GLIS3: variants seen among roughly 807,000 people sequenced by gnomAD.
GLIS3 encodes the protein GLIS family zinc finger 3, also known as zinc finger protein GLIS3.
Under a neutral mutation model 78.6 loss-of-function variants are expected in GLIS3, and 53 were observed. The ratio of observed to expected loss-of-function variants is 0.67; its 90% confidence interval spans 0.54 to 0.85. GLIS3 has a LOEUF of 0.85. GLIS3 is among the 40% of genes least tolerant of loss of function. The probability of loss-of-function intolerance (pLI) is 0.00; values close to 1 mark genes in which losing one functional copy is unlikely to be tolerated. For missense variants in GLIS3, 1,703 were observed against 1,231.1 expected, an observed-to-expected ratio of 1.38 and a Z score of -5.74; for synonymous variants, 684 against 509.9, an observed-to-expected ratio of 1.34 and a Z score of -4.60.
At chr9:4,323,038 T>G (rs1386122279) in intron 2 of GLIS3, among the ~76,000 whole-genome samples, 1 of 152,206 alleles carries the variant, frequency 6.6e-6, no homozygotes, top group East Asian at 1.9e-4. Flanking sequence ...AAAGTCTTTA[T>G]GATTTTAGGT....
At chr9:4,134,864 G>C (rs374883977) in intron 2 of GLIS3, among the ~76,000 whole-genome samples, 1 of 152,168 alleles carries the variant, frequency 6.6e-6, no homozygotes, top group African/African-American at 2.4e-5. Context: ...ACCATGGAAA[G>C]ACAGAGTTCT....
intron 2 of GLIS3, among the ~76,000 whole-genome samples, chr9:4,165,748 G>C (rs1835834787): frequency 1.3e-5 from 2 of 152,232 alleles, no homozygotes; most frequent in Non-Finnish European, 2.9e-5. Context: ...CAGTTGGAAA[G>C]GAGAGCCTAG....
chr9:4,213,845 T>C (rs1030603361), intron 2 of GLIS3, among the ~76,000 whole-genome samples: 7 of 151,852 alleles, frequency 4.6e-5, no homozygotes, highest in African/African-American at 1.7e-4. Context: ...AGTAGTGTTC[T>C]AGATATCAGG....
chr9:4,016,797 T>C (rs990514705), intron 4 of GLIS3, among the ~76,000 whole-genome samples: 1 of 152,192 alleles, frequency 6.6e-6, no homozygotes, highest in Non-Finnish European at 1.5e-5. Flanking sequence ...CTCAGCTCTT[T>C]TAGGACTCCA....
chr9:4,253,107 G>A (rs1021938739), intron 2 of GLIS3, among the ~76,000 whole-genome samples: 1 of 152,248 alleles, frequency 6.6e-6, no homozygotes, highest in Non-Finnish European at 1.5e-5. Context: ...CCCACTGGAG[G>A]AGGCAGTCTG....
intron 6 of GLIS3, among the ~76,000 whole-genome samples, chr9:3,903,736 T>C (rs1378340989): frequency 6.6e-6 from 1 of 152,030 alleles, no homozygotes; most frequent in Non-Finnish European, 1.5e-5. Context: ...AAATAAATTG[T>C]AGAGAAGGTG....
chr9:4,418,283 G>C, the GLIS3 span, among the ~76,000 whole-genome samples: 34 of 152,168 alleles, frequency 2.2e-4, no homozygotes, highest in African/African-American at 8.2e-4. Flanking sequence ...AAAGAGACTG[G>C]GCTTTAACTA....
chr9:4,093,662 C>T (rs946044481), intron 4 of GLIS3, among the ~76,000 whole-genome samples: 1 of 152,156 alleles, frequency 6.6e-6, no homozygotes, highest in East Asian at 1.9e-4. Context: ...CTTGAGGAAG[C>T]TTATCACAGG....
the GLIS3 span, among the ~76,000 whole-genome samples, chr9:4,421,713 G>C: frequency 6.6e-6 from 1 of 152,236 alleles, no homozygotes; most frequent in Admixed American, 6.5e-5. Context: ...TCTGAGAATA[G>C]TGTTAGACAC....
At chr9:3,940,773 G>T (rs1815835159) in intron 4 of GLIS3, among the ~76,000 whole-genome samples, 1 of 152,164 alleles carries the variant, frequency 6.6e-6, no homozygotes, top group Admixed American at 6.5e-5. Flanking sequence ...TGTGCAATGA[G>T]CATTTATTCC....
the GLIS3 span, among the ~76,000 whole-genome samples, chr9:4,385,593 A>C: frequency 6.8e-6 from 1 of 148,076 alleles, no homozygotes; most frequent in Non-Finnish European, 1.5e-5. Context: ...TGAACCTAGG[A>C]GGCAGAGGTT....
At chr9:3,991,173 G>C (rs1023267160) in intron 4 of GLIS3, among the ~76,000 whole-genome samples, 2 of 152,168 alleles carry the variant, frequency 1.3e-5, no homozygotes, top group Non-Finnish European at 2.9e-5. Flanking sequence ...ACATATTGTA[G>C]GAGGAAGCTG....
chr9:3,849,496 CAGG>C (rs1327341221), intron 9 of GLIS3, among the ~76,000 whole-genome samples: 1 of 152,118 alleles, frequency 6.6e-6, no homozygotes, highest in Non-Finnish European at 1.5e-5. Flanking sequence ...ATGCTGTGAC[CAGG>C]AGGATGGAAG....
intron 9 of GLIS3, among the ~76,000 whole-genome samples, chr9:3,834,621 C>T (rs550299891): frequency 7.9e-5 from 12 of 152,268 alleles, no homozygotes; most frequent in Admixed American, 5.9e-4. Flanking sequence ...AAACACATGA[C>T]CCACCCCAAG....
intron 4 of GLIS3, among the ~76,000 whole-genome samples, chr9:4,109,602 C>G (rs915524586): frequency 2.6e-5 from 4 of 152,214 alleles, no homozygotes; most frequent in African/African-American, 9.6e-5. Flanking sequence ...TTCACATCCA[C>G]TGAAACACAG....
chr9:4,448,607 T>A, the GLIS3 span, among the ~76,000 whole-genome samples: 457 of 152,358 alleles, frequency 3.0e-3, 4 homozygotes, highest in African/African-American at 0.01. Context: ...GCATTTCTCC[T>A]CCTGCTTTGA....
intron 4 of GLIS3, among the ~76,000 whole-genome samples, chr9:4,086,418 C>A (rs1829024871): frequency 6.6e-6 from 1 of 152,220 alleles, no homozygotes; most frequent in Non-Finnish European, 1.5e-5. Flanking sequence ...GTATATCATA[C>A]TGTGAGCTCT....
chr9:4,437,454 A>G, the GLIS3 span, among the ~76,000 whole-genome samples: 6 of 151,772 alleles, frequency 4.0e-5, no homozygotes, highest in Admixed American at 1.3e-4. Flanking sequence ...CTATCTATCT[A>G]TCTATCTATC....
chr9:4,274,963 C>A (rs1029078613), intron 2 of GLIS3, among the ~76,000 whole-genome samples: 7 of 152,174 alleles, frequency 4.6e-5, no homozygotes, highest in African/African-American at 1.7e-4. Flanking sequence ...GATCCAATTA[C>A]AAACTTTTTA....
Sources: gnomAD v4.1 joint callset for allele counts (sites outside exome capture counted in the v4.1 genomes callset) on GRCh38, gnomAD v4.1.1 for gene constraint, MANE v1.5 for transcripts, NCBI Gene and HGNC (gene_info 2026-07-23, HGNC 2026-07-21) for gene names.